Variants in CDH13 observed in about 807,000 individuals in gnomAD.
CDH13 encodes cadherin 13, also known as cadherin-13.
A neutral mutation model predicts 63.8 loss-of-function variants in CDH13; 24 were observed. The observed-to-expected ratio is 0.38, with a 90% CI of 0.27 to 0.53. CDH13 has a LOEUF of 0.53. Ranked by LOEUF, CDH13 falls within the 20% of genes least tolerant of loss-of-function variation. The probability of loss-of-function intolerance (pLI) is 0.85; values close to 1 mark genes in which losing one functional copy is unlikely to be tolerated. For synonymous variants in CDH13, 503 were observed against 355.3 expected (o/e 1.42, Z -4.67); for missense variants, 1,049 against 903.1 (o/e 1.16, Z -2.07).
chr16:82,683,452 C>T (rs1461286360), intron 1 of CDH13, among the ~76,000 whole-genome samples: 1 of 152,178 alleles, frequency 6.6e-6, no homozygotes, highest in African/African-American at 2.4e-5. Flanking sequence ...ACCCCAGTGA[C>T]ACGGAAGGAT....
intron 3 of CDH13, among the ~76,000 whole-genome samples, chr16:83,082,052 G>A (rs556771893): frequency 2.0e-4 from 30 of 152,042 alleles, no homozygotes; most frequent in African/African-American, 6.0e-4. Context: ...TGCCCGCCTC[G>A]GCCTCCCAAA....
At chr16:83,154,259 T>TA (rs2037113108) in intron 4 of CDH13, among the ~76,000 whole-genome samples, 1 of 152,054 alleles carries the variant, frequency 6.6e-6, no homozygotes, top group African/African-American at 2.4e-5. Flanking sequence ...TCACATGAGA[T>TA]AAAAATGTAT....
intron 1 of CDH13, among the ~76,000 whole-genome samples, chr16:82,670,552 G>C (rs1913119398): frequency 6.6e-6 from 1 of 152,166 alleles, no homozygotes; most frequent in Admixed American, 6.5e-5. Flanking sequence ...AGGCAGCGGG[G>C]CACACGTACT....
intron 7 of CDH13, among the ~76,000 whole-genome samples, chr16:83,588,503 C>T (rs750853180): frequency 7.9e-5 from 12 of 152,298 alleles, no homozygotes; most frequent in Middle Eastern, 3.4e-3. Flanking sequence ...TGACCACATA[C>T]AGGCAGTGTC....
intron 5 of CDH13, among the ~76,000 whole-genome samples, chr16:83,265,752 T>C (rs1168619179): frequency 1.4e-5 from 2 of 143,928 alleles, no homozygotes; most frequent in African/African-American, 2.6e-5. Context: ...TTTTTTTTTT[T>C]TGGTCTGTGT....
chr16:83,104,918 T>C (rs2034690310), intron 3 of CDH13, among the ~76,000 whole-genome samples: 1 of 152,192 alleles, frequency 6.6e-6, no homozygotes, highest in African/African-American at 2.4e-5. Context: ...TTTTCGTAAA[T>C]ACAAGGGCAG....
chr16:83,340,830 C>G (rs1431062097), intron 5 of CDH13, among the ~76,000 whole-genome samples: 1 of 152,154 alleles, frequency 6.6e-6, no homozygotes, highest in Non-Finnish European at 1.5e-5. Flanking sequence ...ATAACTGTTT[C>G]TAGCTGTCAT....
chr16:83,535,414 T>A (rs2075163896), intron 7 of CDH13, among the ~76,000 whole-genome samples: 4 of 152,224 alleles, frequency 2.6e-5, no homozygotes, highest in Non-Finnish European at 5.9e-5. Flanking sequence ...AGGGAAATAA[T>A]TGTGGATTCA....
At chr16:83,693,663 T>C (rs1905105176) in intron 10 of CDH13, among the ~76,000 whole-genome samples, 1 of 152,196 alleles carries the variant, frequency 6.6e-6, no homozygotes, top group Non-Finnish European at 1.5e-5. Flanking sequence ...GGCGAACTGC[T>C]ATTAAATGTA....
At chr16:82,750,501 C>G (rs2034368673) in intron 1 of CDH13, among the ~76,000 whole-genome samples, 1 of 152,166 alleles carries the variant, frequency 6.6e-6, no homozygotes, top group Non-Finnish European at 1.5e-5. Context: ...CCATTCAATT[C>G]CAATCTGAAT....
intron 1 of CDH13, among the ~76,000 whole-genome samples, chr16:82,857,591 C>G (rs1449784194): frequency 1.3e-5 from 2 of 152,190 alleles, no homozygotes; most frequent in Non-Finnish European, 2.9e-5. Flanking sequence ...GATGAAGTGT[C>G]TTAAGCATCT....
intron 2 of CDH13, among the ~76,000 whole-genome samples, chr16:82,893,092 A>T (rs1189602422): frequency 6.6e-6 from 1 of 152,262 alleles, no homozygotes; most frequent in East Asian, 1.9e-4. Flanking sequence ...AATGTGAACA[A>T]CCATGATTCC....
chr16:83,024,409 T>C (rs941183935), intron 2 of CDH13, among the ~76,000 whole-genome samples: 6 of 152,032 alleles, frequency 3.9e-5, no homozygotes, highest in African/African-American at 1.4e-4. Flanking sequence ...GTATGAGAGG[T>C]GGCAATGAAA....
At position 82,644,739 on chromosome 16, in the gene CDH13, G is replaced by C. The variant is rs976635737; in HGVS notation, c.45+17602G>C. Among the ~76,000 whole-genome samples, 2 of 152,074 alleles carry C rather than the reference G, an allele frequency of 1.3e-5. No individual in the cohort carries two copies. The highest frequency in any genetic ancestry group is 2.4e-5 in the African/African-American group (1 of 41,408). On this transcript the variant is annotated intron_variant, in intron 1 of 13. Coordinates refer to ENST00000567109, the MANE Select transcript of CDH13 (RefSeq NM_001257.5). The surrounding 1 kb of genome is among the most constrained non-coding windows in gnomAD (Gnocchi z 5.7). ...GCTCCCAGGTGACAGGAGTCCGCTG[G>C]GCTCCCTCTGATTCTTAAAGCCTTT...
intron 11 of CDH13, among the ~76,000 whole-genome samples, chr16:83,777,682 T>C (rs1915217051): frequency 6.6e-6 from 1 of 152,260 alleles, no homozygotes; most frequent in South Asian, 2.1e-4. Context: ...TGTCTGCATC[T>C]AAAGAGGTCT....
intron 6 of CDH13, among the ~76,000 whole-genome samples, chr16:83,381,190 C>G (rs911691264): frequency 3.9e-5 from 6 of 152,090 alleles, no homozygotes; most frequent in Admixed American, 1.3e-4. Flanking sequence ...CACATTTTAG[C>G]AAATGTACCT....
intron 3 of CDH13, among the ~76,000 whole-genome samples, chr16:83,057,435 A>T (rs569691045): frequency 9.4e-4 from 143 of 152,300 alleles, no homozygotes; most frequent in Admixed American, 1.9e-3. Context: ...AAATTCACCA[A>T]ACTGTACACT....
intron 3 of CDH13, among the ~76,000 whole-genome samples, chr16:83,074,312 A>T (rs930407784): frequency 9.9e-5 from 15 of 152,178 alleles, no homozygotes; most frequent in Non-Finnish European, 8.8e-5. Context: ...TGCAGCAAAT[A>T]ATATGATTTC....
At chr16:83,379,050 C>A (rs1205930687) in intron 6 of CDH13, among the ~76,000 whole-genome samples, 2 of 151,602 alleles carry the variant, frequency 1.3e-5, no homozygotes, top group Non-Finnish European at 2.9e-5. Flanking sequence ...ATATGCTTAT[C>A]CTTGATGTCA....
Sources: gnomAD v4.1 joint callset for allele counts (sites outside exome capture counted in the v4.1 genomes callset) on GRCh38, gnomAD v4.1.1 for gene constraint, Gnocchi (gnomAD v3.1) non-coding constraint, MANE v1.5 for transcripts, NCBI Gene and HGNC (gene_info 2026-07-23, HGNC 2026-07-21) for gene names.